The following EXOC2 variants were observed in gnomAD, a reference collection of about 807,000 sequenced individuals.
EXOC2 encodes the protein SEC5-like 1.
Under a neutral mutation model 131.8 loss-of-function variants are expected in EXOC2, and 70 were observed. The ratio of observed to expected loss-of-function variants is 0.53; its 90% CI spans 0.44 to 0.65. The LOEUF (loss-of-function observed/expected upper bound fraction) is 0.65. Among genes scored for constraint, EXOC2 ranks in the 30% least tolerant of loss-of-function variants. EXOC2 has a pLI of 0.00. For synonymous variants in EXOC2, 411 were observed against 398.4 expected (o/e 1.03, Z -0.38); for missense variants, 923 against 1,108.6 (o/e 0.83, Z 2.38).
chr6:677,735 G>A (rs1764210427), intron 1 of EXOC2, among the ~76,000 whole-genome samples: 1 of 152,122 alleles, frequency 6.6e-6, no homozygotes, highest in Non-Finnish European at 1.5e-5. Context: ...CCAAAGTGCT[G>A]GGATTACAGG....
rs553728810 is a variant in EXOC2 at position 594,673 on chromosome 6, A to G, written c.1074-2086T>C. ...CTGTGTCCTTGCAAAACCTAATAAC[A>G]AAAGACTTTTTCTATCATCTTATTA... is the stretch of plus-strand genomic sequence containing the variant. On this transcript the variant is annotated intron_variant, in intron 10 of 27. Coordinates refer to ENST00000230449, the MANE Select transcript of EXOC2 (RefSeq NM_018303.6). Among the ~76,000 whole-genome samples, 26 of 152,314 alleles carry G rather than the reference A, an allele frequency of 1.7e-4. 1 individual carries two copies. In the South Asian group the frequency reaches 5.0e-3, roughly 29 times the overall value.
In EXOC2 at chr6:487,446, G is replaced by A. The variant is rs149707665; in HGVS notation, c.2682-682C>T. ...TTTTCAGATGGAGTTTTGCTCTGTC[G>A]CCCAGGCTGGAGTGCAGTGGCGCGA... is the stretch of plus-strand genomic sequence containing the variant. On this transcript the variant is annotated intron_variant, in intron 27 of 27. Transcript: ENST00000230449. Among the ~76,000 whole-genome samples, 280 of 151,944 alleles carry A rather than the reference G, an allele frequency of 1.8e-3. 1 individual carries two copies. In the Middle Eastern group the frequency reaches 0.02, roughly 11 times the overall value.
chr6:656,317 G>A (rs758789538), intron 1 of EXOC2: 2 of 1,614,146 alleles, frequency 1.2e-6, no homozygotes, highest in African/African-American at 1.3e-5. Flanking sequence ...GACTGGGGAG[G>A]GTTTCCAAGA....
chr6:521,412 T>C (rs1013200466), intron 23 of EXOC2, among the ~76,000 whole-genome samples: 2 of 152,214 alleles, frequency 1.3e-5, no homozygotes, highest in Non-Finnish European at 2.9e-5. Context: ...AGGAATATGA[T>C]GTTCATGATG....
At chr6:575,397 CCTT>C (rs1194252685) in intron 12 of EXOC2, among the ~76,000 whole-genome samples, 1 of 152,112 alleles carries the variant, frequency 6.6e-6, no homozygotes, top group Admixed American at 6.5e-5. Context: ...GTGAGCTGCA[CCTT>C]TTTTCCCTAA....
intron 1 of EXOC2, among the ~76,000 whole-genome samples, chr6:643,295 G>A (rs894148687): frequency 2.0e-5 from 3 of 152,112 alleles, no homozygotes; most frequent in Admixed American, 1.3e-4. Flanking sequence ...GGTGCTCATG[G>A]AATGTTCACC....
intron 22 of EXOC2, among the ~76,000 whole-genome samples, chr6:532,926 G>T (rs936527845): frequency 6.6e-6 from 1 of 152,108 alleles, no homozygotes; most frequent in Admixed American, 6.5e-5. Flanking sequence ...ATGCATGGCT[G>T]GGGAGCCCTC....
At chr6:486,916 A>C (rs1763097497) in intron 27 of EXOC2, 152 bp from the exon 28 acceptor site, 1 of 461,398 alleles carries the variant, frequency 2.2e-6, no homozygotes, top group African/African-American at 5.5e-5. Flanking sequence ...TTAACTCAGC[A>C]AAAGAAACAC....
intron 5 of EXOC2, 119 bp downstream of exon 5, chr6:619,311 G>T: frequency 2.9e-6 from 2 of 683,360 alleles, no homozygotes; most frequent in Non-Finnish European, 4.9e-6. Flanking sequence ...CAAAGAGCTC[G>T]CAGACCTAAA....
chr6:654,803 CAA>C (rs66637987), intron 1 of EXOC2, among the ~76,000 whole-genome samples: 11 of 29,558 alleles, frequency 3.7e-4, no homozygotes, highest in African/African-American at 8.6e-4. Flanking sequence ...GACCCTGTCT[CAA>C]AAAAAAAAAA....
At chr6:513,414 GA>G (rs1255049868) in intron 23 of EXOC2, among the ~76,000 whole-genome samples, 3 of 152,212 alleles carry the variant, frequency 2.0e-5, no homozygotes, top group African/African-American at 7.2e-5. Context: ...GAGAAGAAAC[GA>G]AAGTCCAAGC....
At chr6:530,714 G>C (rs1393725867) in intron 23 of EXOC2, among the ~76,000 whole-genome samples, 1 of 152,258 alleles carries the variant, frequency 6.6e-6, no homozygotes, top group Non-Finnish European at 1.5e-5. Context: ...AGCAAGCACA[G>C]GGAGTACTGC....
chr6:509,108 A>T (rs1384265647), intron 23 of EXOC2, among the ~76,000 whole-genome samples: 1 of 152,218 alleles, frequency 6.6e-6, no homozygotes, highest in African/African-American at 2.4e-5. Flanking sequence ...TCTTTGACTT[A>T]AGCAAACAAC....
intron 27 of EXOC2, among the ~76,000 whole-genome samples, chr6:488,036 G>A (rs1370293053): frequency 6.6e-6 from 1 of 152,232 alleles, no homozygotes; most frequent in Non-Finnish European, 1.5e-5. Flanking sequence ...AGTTAGAGAA[G>A]CAGCAAGAAA....
chr6:550,398 T>C (rs1230519041), intron 21 of EXOC2, among the ~76,000 whole-genome samples: 2 of 152,238 alleles, frequency 1.3e-5, no homozygotes, highest in Non-Finnish European at 2.9e-5. Flanking sequence ...CCAAAAACTT[T>C]CTAGATTCTT....
chr6:554,872 A>G (rs1757336894), intron 20 of EXOC2, among the ~76,000 whole-genome samples: 1 of 152,258 alleles, frequency 6.6e-6, no homozygotes, highest in South Asian at 2.1e-4. Context: ...CAACATGCTT[A>G]GTCTCTAGCA....
intron 1 of EXOC2, among the ~76,000 whole-genome samples, chr6:652,196 T>C (rs959919389): frequency 1.3e-5 from 2 of 152,208 alleles, no homozygotes. Flanking sequence ...TGGTTATTAA[T>C]AATTTTTAAA....
intron 4 of EXOC2, among the ~76,000 whole-genome samples, chr6:627,224 C>T (rs961318911): frequency 1.6e-5 from 2 of 128,890 alleles, no homozygotes; most frequent in Admixed American, 8.5e-5. Flanking sequence ...AAGATAAACA[C>T]AGCTTTCTTG....
intron 23 of EXOC2, among the ~76,000 whole-genome samples, chr6:529,278 C>T (rs972170473): frequency 6.6e-6 from 1 of 152,184 alleles, no homozygotes; most frequent in Non-Finnish European, 1.5e-5. Flanking sequence ...CACCTTGGAG[C>T]GGGTGGATGG....
Sources: allele counts gnomAD v4.1 joint callset (sites outside exome capture counted in the v4.1 genomes callset), GRCh38; gene constraint gnomAD v4.1.1; transcripts MANE v1.5; gene names NCBI Gene and HGNC (gene_info 2026-07-23, HGNC 2026-07-21).